POLR3A: variants seen among roughly 807,000 people sequenced by gnomAD.
The protein encoded by POLR3A is DNA-directed RNA polymerase III subunit RPC1.
In POLR3A, 112 loss-of-function variants were observed where a neutral mutation model predicts 152.8. The observed-to-expected ratio is 0.73, with a 90% confidence interval of 0.63 to 0.86. POLR3A has a LOEUF of 0.86. Among genes scored for constraint, POLR3A ranks in the 40% least tolerant of loss-of-function variants. The pLI is 0.00. For missense variants in POLR3A, 1,385 were observed against 1,743.1 expected (o/e 0.79, Z 3.66); for synonymous variants, 615 against 652.1 (o/e 0.94, Z 0.87).
intron 10 of POLR3A, among the ~76,000 whole-genome samples, chr10:78,015,392 A>G (rs941447838): frequency 3.5e-5 from 5 of 144,860 alleles, no homozygotes; most frequent in African/African-American, 7.7e-5. Context: ...CAGTGGCGCA[A>G]TCTCGGCTCA....
At chr10:77,982,518 C>T in intron 27 of POLR3A, 135 bp downstream of exon 27, 1 of 923,334 alleles carries the variant, frequency 1.1e-6, no homozygotes, top group South Asian at 1.4e-5. Flanking sequence ...AGGAATCTAA[C>T]AGACTAACTC....
chr10:78,022,277 A>G lies in POLR3A; in HGVS notation c.753T>C (p.Ile251=). The part of the protein sequence containing the change: ...NPEAGKPSDL[I]LTRLLVPPLC... ...AAGGAGGCACCAAAAGTCGTGTGAG[A>G]ATCAAATCAGACGGCTTTCCGGCTT... is the stretch of plus-strand genomic sequence containing the variant. Residue 251 remains isoleucine, a synonymous_variant, in exon 6 of 31, where the codon ATT becomes ATC. Coordinates refer to ENST00000372371, the MANE Select transcript of POLR3A (RefSeq NM_007055.4). The G allele has an allele frequency of 6.2e-7, 1 of 1,614,230 alleles. No homozygotes were observed. Among genetic ancestry groups the G allele is most frequent in the South Asian group, 1.1e-5 (1 of 91,092 alleles).
intron 10 of POLR3A, among the ~76,000 whole-genome samples, chr10:78,014,195 T>G (rs1847495519): frequency 6.6e-6 from 1 of 151,448 alleles, no homozygotes; most frequent in Admixed American, 6.6e-5. Flanking sequence ...TCGAGAAGCT[T>G]TATTAGATTG....
intron 1 of POLR3A, among the ~76,000 whole-genome samples, chr10:78,027,015 C>A (rs886128770): frequency 6.6e-6 from 1 of 152,206 alleles, no homozygotes; most frequent in Non-Finnish European, 1.5e-5. Flanking sequence ...AAGGTCCTTG[C>A]CAACAAAGAG....
intron 1 of POLR3A, among the ~76,000 whole-genome samples, chr10:78,027,428 G>C (rs1252218334): frequency 3.9e-5 from 6 of 152,182 alleles, no homozygotes; most frequent in Non-Finnish European, 1.5e-5. Flanking sequence ...GGGAGGCCAA[G>C]GTGGGTGGAT....
chr10:78,000,200 G>GCC, intron 18 of POLR3A, 82 bp from the exon 19 acceptor site: 1 of 1,249,392 alleles, frequency 8.0e-7, no homozygotes, highest in Non-Finnish European at 1.2e-6. Context: ...ATCAGAAAAT[G>GCC]CCCCACCTTG....
chr10:78,028,551 C>T (rs533356357), intron 1 of POLR3A, among the ~76,000 whole-genome samples: 163 of 149,834 alleles, frequency 1.1e-3, no homozygotes, highest in African/African-American at 4.1e-3. Context: ...CACTCTGTCA[C>T]TCAGGGTGGA....
intron 19 of POLR3A, among the ~76,000 whole-genome samples, chr10:77,994,259 G>C (rs146327928): frequency 6.6e-6 from 1 of 152,144 alleles, no homozygotes; most frequent in Non-Finnish European, 1.5e-5. Flanking sequence ...AGCTACAGGA[G>C]AGATGATGGA....
chr10:77,985,089 T>C, intron 24 of POLR3A, 81 bp downstream of exon 24: 2 of 1,125,646 alleles, frequency 1.8e-6, no homozygotes, highest in Middle Eastern at 1.9e-4. Flanking sequence ...ATATCACACA[T>C]ATGCATGTGA....
In POLR3A at chr10:77,982,195, C is replaced by G; in HGVS notation, c.3718G>C (p.Gly1240Arg). Residue 1240 changes from glycine to arginine, a missense_variant, in exon 28 of 31, where the codon GGT becomes CGT. Physicochemically the swap from Gly to Arg is moderately radical, Grantham distance 125. Transcript: ENST00000372371. ...DNLRAVMATH[G>R]VKGTRTTSNN... is the part of the protein sequence containing the mutation. Reference sequence around the variant, plus strand: ...GAGGTGGTTCGGGTGCCCTTCACACCGTGTGTGGCCATGACTGCCCGCAGG... The same window carrying G: ...GAGGTGGTTCGGGTGCCCTTCACACGGTGTGTGGCCATGACTGCCCGCAGG... The G allele has an allele frequency of 9.3e-6, 15 of 1,614,062 alleles. No homozygotes were observed. Among genetic ancestry groups the G allele is most frequent in the Non-Finnish European group, 1.3e-5 (15 of 1,180,020 alleles).
At chr10:78,001,715 C>A (rs533880506) in intron 17 of POLR3A, among the ~76,000 whole-genome samples, 1 of 152,344 alleles carries the variant, frequency 6.6e-6, no homozygotes, top group East Asian at 1.9e-4. Flanking sequence ...CTGCTTCAAC[C>A]TGCCTGACCT....
intron 14 of POLR3A, among the ~76,000 whole-genome samples, chr10:78,008,585 T>C (rs1847433077): frequency 1.3e-5 from 2 of 152,180 alleles, no homozygotes; most frequent in Non-Finnish European, 2.9e-5. Context: ...GGGAACTGTT[T>C]GGTAGTGGTC....
chr10:78,016,384 T>C (rs1215313077), intron 10 of POLR3A, among the ~76,000 whole-genome samples: 3 of 115,458 alleles, frequency 2.6e-5, no homozygotes, highest in Non-Finnish European at 5.2e-5. Flanking sequence ...ATCTGGGCAA[T>C]ACACCAAGAC....
intron 17 of POLR3A, 118 bp downstream of exon 17, chr10:78,002,078 TA>T (rs1847362586): frequency 1.5e-6 from 1 of 645,690 alleles, no homozygotes; most frequent in Non-Finnish European, 2.7e-6. Flanking sequence ...CTCTCTGATT[TA>T]AAAAGATCCC....
At chr10:78,005,004 G>C in intron 15 of POLR3A, 116 bp from the exon 16 acceptor site, 2 of 803,504 alleles carry the variant, frequency 2.5e-6, no homozygotes, top group South Asian at 1.4e-5. Flanking sequence ...TGTATGTATA[G>C]TTTAAAGTAT....
intron 21 of POLR3A, among the ~76,000 whole-genome samples, chr10:77,988,879 G>C (rs1564614900): frequency 6.6e-6 from 1 of 152,150 alleles, no homozygotes; most frequent in African/African-American, 2.4e-5. Context: ...TGTTGGCACA[G>C]GAAAAACAGG....
At chr10:77,982,589 C>A in intron 27 of POLR3A, 64 bp downstream of exon 27, 1 of 1,478,334 alleles carries the variant, frequency 6.8e-7, no homozygotes, top group Non-Finnish European at 9.4e-7. Context: ...CCCTTAGGTC[C>A]CAGCCCTGGG....
intron 19 of POLR3A, among the ~76,000 whole-genome samples, chr10:77,998,003 T>G (rs911194316): frequency 6.6e-6 from 1 of 152,034 alleles, no homozygotes; most frequent in Non-Finnish European, 1.5e-5. Context: ...ATGCCGCATA[T>G]CTACAACTAT....
chr10:77,982,526 C>A, intron 27 of POLR3A, 127 bp downstream of exon 27: 2 of 955,748 alleles, frequency 2.1e-6, no homozygotes. Flanking sequence ...AACAGACTAA[C>A]TCCTTGGGGA....
Sources: gnomAD v4.1 joint callset for allele counts (sites outside exome capture counted in the v4.1 genomes callset) on GRCh38, gnomAD v4.1.1 for gene constraint, MANE v1.5 for transcripts, NCBI Gene and HGNC (gene_info 2026-07-23, HGNC 2026-07-21) for gene names.